The following HTR7 variants were observed in gnomAD, a reference collection of about 807,000 sequenced individuals.
The protein encoded by HTR7 is 5-HT-7.
A neutral mutation model predicts 34.0 loss-of-function variants in HTR7; 16 were observed. The observed-to-expected ratio is 0.47, with a 90% CI of 0.32 to 0.71. The LOEUF is 0.71. Among genes scored for constraint, HTR7 ranks in the 30% least tolerant of loss-of-function variants. HTR7 has a pLI of 0.04. For missense variants in HTR7, 504 were observed against 625.5 expected (o/e 0.81, Z 2.07); for synonymous variants, 265 against 260.2 (o/e 1.02, Z -0.18).
intron 1 of HTR7, among the ~76,000 whole-genome samples, chr10:90,750,965 A>C (rs1223826302): frequency 2.0e-5 from 3 of 152,198 alleles, no homozygotes; most frequent in African/African-American, 4.8e-5. Flanking sequence ...GAAGAGACGA[A>C]AATCCTGCGT....
intron 1 of HTR7, among the ~76,000 whole-genome samples, chr10:90,850,874 A>C (rs987856368): frequency 6.6e-6 from 1 of 152,232 alleles, no homozygotes; most frequent in Admixed American, 6.5e-5. Flanking sequence ...TATAGAAAAG[A>C]GTAAGAAATA....
intron 1 of HTR7, among the ~76,000 whole-genome samples, chr10:90,750,085 C>G (rs2119679577): frequency 6.6e-6 from 1 of 152,276 alleles, no homozygotes; most frequent in South Asian, 2.1e-4. Context: ...TGCATTACAG[C>G]AAAAGCATTT....
At chr10:90,757,712 A>C (rs1188237294) in intron 1 of HTR7, among the ~76,000 whole-genome samples, 1 of 152,248 alleles carries the variant, frequency 6.6e-6, no homozygotes, top group African/African-American at 2.4e-5. Flanking sequence ...AACAACTCAT[A>C]TTAAGAATGA....
At chr10:90,797,969 A>G (rs1421431480) in intron 1 of HTR7, among the ~76,000 whole-genome samples, 1 of 152,224 alleles carries the variant, frequency 6.6e-6, no homozygotes, top group Admixed American at 6.5e-5. Context: ...AGGGCAAGAC[A>G]GGGTGGAACT....
intron 2 of HTR7, 114 bp downstream of exon 2, chr10:90,748,725 T>A: frequency 6.8e-6 from 8 of 1,172,558 alleles, no homozygotes; most frequent in African/African-American, 1.5e-5. Flanking sequence ...AAATCTGGTA[T>A]GTTTAGTAAA....
chr10:90,800,656 A>G (rs12783703), intron 1 of HTR7, among the ~76,000 whole-genome samples: 44,953 of 151,894 alleles, frequency 0.3, 7,576 homozygotes, highest in African/African-American at 0.47. Flanking sequence ...TTCTTCAAAC[A>G]TTCACCTTAT....
At chr10:90,798,368 GC>G (rs1937738175) in intron 1 of HTR7, among the ~76,000 whole-genome samples, 1 of 152,144 alleles carries the variant, frequency 6.6e-6, no homozygotes, top group South Asian at 2.1e-4. Context: ...TATAGCCTAA[GC>G]CCCACTTGCA....
chr10:90,753,862 G>A (rs753297703), intron 1 of HTR7, among the ~76,000 whole-genome samples: 1 of 151,912 alleles, frequency 6.6e-6, no homozygotes, highest in Non-Finnish European at 1.5e-5. Flanking sequence ...ATAAGTAATA[G>A]AATATCATAT....
rs931946668 is a variant in HTR7 at position 90,762,930 on chromosome 10, A to G, written c.540-13336T>C. On this transcript the variant is annotated intron_variant, in intron 1 of 3. Transcript: ENST00000336152. ...TGCACTCTTGGCATCCTTGTCCATT[A>G]TAAGTTGACCGTGTATGTGGAGGTT... Among the ~76,000 whole-genome samples the G allele has an allele frequency of 1.4e-4, 21 of 152,210 alleles. 1 individual carries two copies. Among genetic ancestry groups the G allele is most frequent in the African/African-American group, 4.6e-4 (19 of 41,456 alleles).
At chr10:90,759,660 T>TA (rs1844900252) in intron 1 of HTR7, among the ~76,000 whole-genome samples, 1 of 38,180 alleles carries the variant, frequency 2.6e-5, no homozygotes. Context: ...AGACTCTGTC[T>TA]CAAAAAAAAA....
At position 90,796,384 on chromosome 10, in the gene HTR7, A is replaced by G. The variant is rs139749540; in HGVS notation, c.540-46790T>C. 3.5e-4 allele frequency among the ~76,000 whole-genome samples: 53 copies of G among 152,368 alleles called. 1 individual carries two copies. In the East Asian group the frequency reaches 8.1e-3, roughly 23 times the overall value. ...TCCAACCTATGGATGTTTAAATAAC[A>G]AAAGGTTGAAAAGAGTGAAATCTTT... On this transcript the variant is annotated intron_variant, in intron 1 of 3. Transcript: ENST00000336152.
chr10:90,853,484 C>T (rs1316761932), intron 1 of HTR7, among the ~76,000 whole-genome samples: 6 of 147,826 alleles, frequency 4.1e-5, no homozygotes, highest in African/African-American at 1.3e-4. Flanking sequence ...TTTTTTTTTC[C>T]GTAGAGATGG....
At chr10:90,777,004 A>G (rs1845225825) in intron 1 of HTR7, among the ~76,000 whole-genome samples, 1 of 152,216 alleles carries the variant, frequency 6.6e-6, no homozygotes, top group Non-Finnish European at 1.5e-5. Flanking sequence ...AGTATATATC[A>G]GATAGGAATG....
At chr10:90,744,657 G>C (rs989525891) in intron 2 of HTR7, among the ~76,000 whole-genome samples, 1 of 152,084 alleles carries the variant, frequency 6.6e-6, no homozygotes, top group African/African-American at 2.4e-5. Flanking sequence ...GTAGATGCCA[G>C]TAGTGTGCCA....
intron 2 of HTR7, among the ~76,000 whole-genome samples, chr10:90,747,764 C>A (rs1844663165): frequency 6.6e-6 from 1 of 152,226 alleles, no homozygotes; most frequent in Admixed American, 6.5e-5. Flanking sequence ...CTGCCAGGCT[C>A]AGTGAAGAAC....
At chr10:90,789,466 A>C (rs1845432599) in intron 1 of HTR7, among the ~76,000 whole-genome samples, 1 of 152,218 alleles carries the variant, frequency 6.6e-6, no homozygotes, top group African/African-American at 2.4e-5. Context: ...ACATCAGTGC[A>C]TCTGCCTGAA....
intron 1 of HTR7, among the ~76,000 whole-genome samples, chr10:90,766,083 G>A (rs1330972783): frequency 1.3e-5 from 2 of 152,090 alleles, no homozygotes; most frequent in African/African-American, 4.8e-5. Context: ...TTGATATTAT[G>A]CTTGGATGAT....
intron 1 of HTR7, among the ~76,000 whole-genome samples, chr10:90,750,792 T>C (rs1844721046): frequency 6.6e-6 from 1 of 152,204 alleles, no homozygotes; most frequent in East Asian, 1.9e-4. Flanking sequence ...CAATGAAAAT[T>C]AGCATCACTA....
intron 1 of HTR7, among the ~76,000 whole-genome samples, chr10:90,831,420 C>T (rs941998370): frequency 3.9e-5 from 6 of 152,030 alleles, no homozygotes; most frequent in Middle Eastern, 6.8e-3. Context: ...CCGGTGGGTT[C>T]GTGGTCTCGG....
Sources: gnomAD v4.1 joint callset for allele counts (sites outside exome capture counted in the v4.1 genomes callset) on GRCh38, gnomAD v4.1.1 for gene constraint, MANE v1.5 for transcripts, NCBI Gene and HGNC (gene_info 2026-07-23, HGNC 2026-07-21) for gene names.